Variants in ERLIN1 observed in about 807,000 individuals in gnomAD.
ERLIN1 encodes erlin-1.
In ERLIN1, 24 loss-of-function variants were observed where a neutral mutation model predicts 46.9. That is an observed-to-expected ratio of 0.51 (90% confidence interval 0.37 to 0.72). ERLIN1 has a LOEUF of 0.72. Ranked by LOEUF, ERLIN1 falls within the 30% of genes least tolerant of loss-of-function variation. ERLIN1 has a pLI of 0.00. For synonymous variants in ERLIN1, 158 were observed against 143.2 expected (o/e 1.10, Z -0.74); for missense variants, 293 against 417.9 (o/e 0.70, Z 2.61).
At chr10:100,181,762 C>T (rs2134180167) in intron 2 of ERLIN1, among the ~76,000 whole-genome samples, 1 of 152,252 alleles carries the variant, frequency 6.6e-6, no homozygotes, top group African/African-American at 2.4e-5. Context: ...GATCTGCCTG[C>T]CTCGGCCTCC....
In ERLIN1 at chr10:100,167,363, C is replaced by T; in HGVS notation, c.548G>A (p.Arg183Lys). Residue 183 changes from arginine to lysine, a missense_variant, in exon 7 of 11, where the codon AGA (arginine) becomes AAA (lysine). Arg to Lys is a conservative substitution (Grantham distance 26, BLOSUM62 2). Transcript: ENST00000421367. Reference sequence around the variant, plus strand: ...TATTACTCACATTAACTCAAAATTTCTTCTTATGGCTTCTGGGATTTTGGG... The same window carrying T: ...TATTACTCACATTAACTCAAAATTTTTTCTTATGGCTTCTGGGATTTTGGG... ...TKPKIPEAIR[R>K]NFELMEAEKT... 2 of 1,613,406 alleles carry T rather than the reference C, an allele frequency of 1.2e-6. No individual in the cohort carries two copies. Among genetic ancestry groups the T allele is most frequent in the Non-Finnish European group, 1.7e-6 (2 of 1,179,522 alleles).
Position 100,164,014 on chromosome 10 carries a change from C to T in ERLIN1, c.645G>A (p.Lys215=), listed in dbSNP as rs2134127231. The change falls in exon 8 of 11, where the codon AAG becomes AAA. Residue 215 remains lysine (K), a synonymous_variant. Coordinates refer to ENST00000421367, the MANE Select transcript of ERLIN1 (RefSeq NM_006459.4). ...VEKEAETERK[K]AVIEAEKIAQ... is the part of the protein sequence containing the mutation. Reference sequence around the variant, plus strand: ...GAGAAATCCAAGTACCTATAACTGCCTTTTTCCTCTCTGTCTCAGCTTCTT... The same window carrying T: ...GAGAAATCCAAGTACCTATAACTGCTTTTTTCCTCTCTGTCTCAGCTTCTT... 1.2e-6 allele frequency: 2 copies of T among 1,609,778 alleles called. No homozygotes were observed. The highest frequency in any genetic ancestry group is 1.7e-6 in the Non-Finnish European group (2 of 1,176,450).
intron 6 of ERLIN1, among the ~76,000 whole-genome samples, chr10:100,172,946 T>A (rs1353265488): frequency 6.6e-6 from 1 of 152,138 alleles, no homozygotes; most frequent in Non-Finnish European, 1.5e-5. Flanking sequence ...TCTTTAAAAC[T>A]AAAAAGCTAC....
intron 6 of ERLIN1, 126 bp from the exon 7 acceptor site, chr10:100,167,532 T>G (rs1843714421): frequency 1.4e-6 from 1 of 703,486 alleles, no homozygotes; most frequent in Non-Finnish European, 2.4e-6. Flanking sequence ...AGCGGCCTAC[T>G]AACACGTTTG....
chr10:100,170,735 C>T (rs1843942794), intron 6 of ERLIN1, among the ~76,000 whole-genome samples: 1 of 152,128 alleles, frequency 6.6e-6, no homozygotes. Context: ...GCCTCCTACA[C>T]TTCTAGATTG....
At chr10:100,177,995 C>T in intron 4 of ERLIN1, 138 bp downstream of exon 4, 1 of 631,508 alleles carries the variant, frequency 1.6e-6, no homozygotes, top group South Asian at 2.0e-5. Context: ...ATTTTTGCCT[C>T]TATTCCCCAG....
At chr10:100,157,876 C>G (rs1843158044) in intron 8 of ERLIN1, among the ~76,000 whole-genome samples, 1 of 152,216 alleles carries the variant, frequency 6.6e-6, no homozygotes. Flanking sequence ...GACCAGACTT[C>G]TAGAAAAATG....
chr10:100,167,360 T>C lies in ERLIN1; in HGVS notation c.551A>G (p.Asn184Ser). ...GCATATTACTCACATTAACTCAAAA[T>C]TTCTTCTTATGGCTTCTGGGATTTT... ...KPKIPEAIRR[N>S]FELMEAEKTK... Residue 184 changes from asparagine to serine, a missense_variant, in exon 7 of 11, where the codon AAT (asparagine) becomes AGT (serine). Asn to Ser is a conservative substitution (Grantham distance 46). Coordinates refer to ENST00000421367, the MANE Select transcript of ERLIN1 (RefSeq NM_006459.4). The C allele has an allele frequency of 1.9e-6, 3 of 1,613,326 alleles. No individual in the cohort carries two copies. The highest frequency in any genetic ancestry group is 2.5e-6 in the Non-Finnish European group (3 of 1,179,422).
chr10:100,152,441 C>A, intron 10 of ERLIN1, 89 bp from the exon 11 acceptor site: 1 of 789,426 alleles, frequency 1.3e-6, no homozygotes, highest in East Asian at 2.4e-5. Flanking sequence ...CTATTGCTCT[C>A]CTGAGTATCA....
At chr10:100,170,633 T>C (rs1166727266) in intron 6 of ERLIN1, among the ~76,000 whole-genome samples, 1 of 151,706 alleles carries the variant, frequency 6.6e-6, no homozygotes, top group Non-Finnish European at 1.5e-5. Flanking sequence ...GATGGAGGTG[T>C]GGTCAGTTTT....
intron 6 of ERLIN1, among the ~76,000 whole-genome samples, chr10:100,168,616 T>G (rs572047407): frequency 3.3e-5 from 5 of 152,276 alleles, no homozygotes; most frequent in South Asian, 2.1e-4. Flanking sequence ...ACTGTCATAC[T>G]GCATTTAATT....
Position 100,185,713 on chromosome 10 carries a change from G to C in ERLIN1, c.-87C>G, listed in dbSNP as rs1016673385. ...CCTCCAGTTTCTACCCTCTCCCTCC[G>C]GAAACTTGGCGCTCTCTCGCAGGCT... On this transcript the variant is annotated 5_prime_UTR_variant, in exon 1 of 11. Coordinates refer to ENST00000421367, the MANE Select transcript of ERLIN1 (RefSeq NM_006459.4). 9.2e-7 allele frequency: 1 copy of C among 1,090,252 alleles called. No individual in the cohort carries two copies. The highest frequency in any genetic ancestry group is 1.5e-5 in the African/African-American group (1 of 65,016). The allele number at this position is 1,090,252 out of a possible 1,614,324, so 67.5% of individuals were successfully genotyped here.
chr10:100,155,455 T>C (rs535183356), intron 9 of ERLIN1, among the ~76,000 whole-genome samples: 5 of 150,562 alleles, frequency 3.3e-5, no homozygotes, highest in African/African-American at 1.0e-4. Flanking sequence ...CCAATTAATT[T>C]TGTTTTTTTT....
At chr10:100,156,339 T>C in intron 8 of ERLIN1, 105 bp from the exon 9 acceptor site, 1 of 697,452 alleles carries the variant, frequency 1.4e-6, no homozygotes, top group Non-Finnish European at 2.6e-6. Flanking sequence ...CAGAAAGTTT[T>C]ATGTGCTAAT....
Position 100,179,215 on chromosome 10 carries a change from C to T in ERLIN1, c.228G>A (p.Val76=), listed in dbSNP as rs1014047896. Residue 76 remains valine (V), a synonymous_variant, in exon 3 of 11, where the codon GTG becomes GTA. Transcript: ENST00000421367. ...AGAAAGCTTACCTTGTTCCACAAGG[C>T]ACATTTTTAACTTCATCAGTTTGTA... ...TTLQTDEVKN[V]PCGTSGGVMI... is the part of the protein sequence containing the mutation. The T allele has an allele frequency of 6.3e-7, 1 of 1,596,286 alleles. No individual in the cohort carries two copies. Among genetic ancestry groups the T allele is most frequent in the Admixed American group, 1.7e-5 (1 of 57,354 alleles).
Position 100,176,076 on chromosome 10 carries a change from G to A in ERLIN1, c.305-6C>T. 6.2e-7 allele frequency: 1 copy of A among 1,608,872 alleles called. No individual in the cohort carries two copies. Among genetic ancestry groups the A allele is most frequent in the Non-Finnish European group, 8.5e-7 (1 of 1,177,346 alleles). On this transcript the variant is annotated splice_polypyrimidine_tract_variant and splice_region_variant and intron_variant, in intron 4 of 10. Coordinates refer to ENST00000421367, the MANE Select transcript of ERLIN1 (RefSeq NM_006459.4). Reference sequence around the variant, plus strand: ...GTTCCTCACGATATCAAACACTGAAGGAGAGGTACAACCCATGTTTGTTTT... The same window carrying A: ...GTTCCTCACGATATCAAACACTGAAAGAGAGGTACAACCCATGTTTGTTTT...
intron 5 of ERLIN1, 108 bp downstream of exon 5, chr10:100,175,836 CA>C: frequency 2.4e-6 from 2 of 831,306 alleles, no homozygotes; most frequent in South Asian, 6.5e-5. Flanking sequence ...ATGATAAATT[CA>C]GAAGAAATGC....
intron 1 of ERLIN1, among the ~76,000 whole-genome samples, chr10:100,185,207 C>T (rs1007209783): frequency 6.6e-6 from 1 of 152,198 alleles, no homozygotes; most frequent in Non-Finnish European, 1.5e-5. Context: ...ATAATTTATC[C>T]ATCTCTTCAG....
rs558237563 is a variant in ERLIN1, at chr10:100,164,219, G to A, written c.564-124C>T. On this transcript the variant is annotated intron_variant, in intron 7 of 10. Coordinates refer to ENST00000421367, the MANE Select transcript of ERLIN1 (RefSeq NM_006459.4). ...AACATGAGCTTTTGGACCCATTAAG[G>A]TAGGTTAAGAGAGGTGTTACTTTAT... 5 of 611,776 alleles carry A rather than the reference G, an allele frequency of 8.2e-6. No homozygotes were observed. The East Asian group carries it at 1.1e-4, about 14-fold the overall frequency. The allele number at this position is 611,776 out of a possible 1,614,324, so 37.9% of individuals were successfully genotyped here.
Sources: allele counts gnomAD v4.1 joint callset (sites outside exome capture counted in the v4.1 genomes callset), GRCh38; gene constraint gnomAD v4.1.1; transcripts MANE v1.5; gene names NCBI Gene and HGNC (gene_info 2026-07-23, HGNC 2026-07-21).